Variants in KCNB2 observed in about 807,000 individuals in gnomAD.
The protein encoded by KCNB2 is delayed rectifier potassium channel protein.
In KCNB2, 15 loss-of-function variants were observed where a neutral mutation model predicts 61.5. The ratio of observed to expected loss-of-function variants is 0.24; its 90% CI spans 0.16 to 0.38. The LOEUF is 0.38. KCNB2 is among the 10% of genes least tolerant of loss of function. The pLI is 1.00. For missense variants in KCNB2, 828 were observed against 1,125.2 expected, an observed-to-expected ratio of 0.74 and a Z score of 3.78; for synonymous variants, 457 against 446.0, an observed-to-expected ratio of 1.02 and a Z score of -0.31.
chr8:72,737,982 C>T (rs1807878656), intron 2 of KCNB2, among the ~76,000 whole-genome samples: 1 of 152,118 alleles, frequency 6.6e-6, no homozygotes, highest in Admixed American at 6.6e-5. Flanking sequence ...AGCCTTGCAC[C>T]ATGCATGTAT....
At chr8:72,715,522 C>T (rs1301856783) in intron 2 of KCNB2, among the ~76,000 whole-genome samples, 1 of 152,150 alleles carries the variant, frequency 6.6e-6, no homozygotes, top group Non-Finnish European at 1.5e-5. Flanking sequence ...CAAAACCGCT[C>T]AACTACATGG....
chr8:72,575,132 T>G (rs1220732198), intron 2 of KCNB2, among the ~76,000 whole-genome samples: 1 of 152,192 alleles, frequency 6.6e-6, no homozygotes, highest in Admixed American at 6.5e-5. Context: ...GTAGTGGAAC[T>G]TCAATCTGAA....
At chr8:72,623,101 C>T (rs1356601150) in intron 2 of KCNB2, among the ~76,000 whole-genome samples, 1 of 152,158 alleles carries the variant, frequency 6.6e-6, no homozygotes, top group Non-Finnish European at 1.5e-5. Context: ...GTTAATTATA[C>T]TGCCATTTCA....
At chr8:72,761,625 A>G (rs780149677) in intron 2 of KCNB2, among the ~76,000 whole-genome samples, 4 of 152,236 alleles carry the variant, frequency 2.6e-5, no homozygotes, top group Admixed American at 6.5e-5. Flanking sequence ...CAATATGTCA[A>G]TTGGAATATG....
chr8:72,772,976 T>A (rs758299147), intron 2 of KCNB2, among the ~76,000 whole-genome samples: 2 of 152,180 alleles, frequency 1.3e-5, no homozygotes, highest in African/African-American at 2.4e-5. Flanking sequence ...TAGTCATTAA[T>A]GCTTAAAATG....
At chr8:72,538,396 T>G (rs1286024369) in intron 1 of KCNB2, among the ~76,000 whole-genome samples, 2 of 152,288 alleles carry the variant, frequency 1.3e-5, no homozygotes, top group South Asian at 4.2e-4. Context: ...GCTAGGGGAC[T>G]TGGGAATACG....
chr8:72,925,971 T>C (rs1170878077), intron 2 of KCNB2, among the ~76,000 whole-genome samples: 4 of 152,154 alleles, frequency 2.6e-5, no homozygotes, highest in African/African-American at 9.7e-5. Context: ...TGGGAGCCAT[T>C]ATCCTCAGCA....
intron 2 of KCNB2, among the ~76,000 whole-genome samples, chr8:72,893,626 T>C (rs1000523966): frequency 6.6e-6 from 1 of 152,214 alleles, no homozygotes; most frequent in Non-Finnish European, 1.5e-5. Flanking sequence ...CTCATTACTA[T>C]TATCCCATCT....
Position 72,660,406 on chromosome 8 carries a change from C to A in KCNB2, c.579+92093C>A, listed in dbSNP as rs1234286093. On this transcript the variant is annotated intron_variant, in intron 2 of 2. Coordinates refer to ENST00000523207, the MANE Select transcript of KCNB2 (RefSeq NM_004770.3). ...CATCTGGTTCACGTGGGATGCTGGA[C>A]CTGACTTCCTGTGCCATCACAACCA... is the stretch of plus-strand genomic sequence containing the variant. Among the ~76,000 whole-genome samples, 6 of 152,304 alleles carry A rather than the reference C, an allele frequency of 3.9e-5. No individual in the cohort carries two copies. The East Asian group carries it at 1.2e-3, about 29-fold the overall frequency.
chr8:72,547,663 C>G (rs775332316), intron 1 of KCNB2, among the ~76,000 whole-genome samples: 1 of 152,152 alleles, frequency 6.6e-6, no homozygotes, highest in Non-Finnish European at 1.5e-5. Context: ...CATAATCAAA[C>G]TTGAGCAGAG....
Position 72,937,155 on chromosome 8 carries a change from C to A in KCNB2, c.1800C>A (p.Thr600=), listed in dbSNP as rs1286012384. The A allele has an allele frequency of 6.2e-7, 1 of 1,614,126 alleles. No homozygotes were observed. The highest frequency in any genetic ancestry group is 8.5e-7 in the Non-Finnish European group (1 of 1,180,024). The change falls in exon 3 of 3, where the codon ACC becomes ACA. Residue 600 remains threonine, a synonymous_variant. Coordinates refer to ENST00000523207, the MANE Select transcript of KCNB2 (RefSeq NM_004770.3). ...AGGTCATTGTGGACATGAAGAGCAC[C>A]TCCAGCATCGACAGCTTCACCAGCT... The part of the protein sequence containing the change: ...QTEVIVDMKS[T]SSIDSFTSCA...
In KCNB2 at chr8:72,705,015, T is replaced by C. The variant is rs2255061; in HGVS notation, c.579+136702T>C. The stretch of plus-strand genomic sequence containing the variant: ...CCAAATATTTTTCATCTGTAGCTGG[T>C]TGAATCCTTGGATGCAGAACCCATG... On this transcript the variant is annotated intron_variant, in intron 2 of 2. Transcript: ENST00000523207. Among the ~76,000 whole-genome samples, 1,391 of 152,296 alleles carry C rather than the reference T, an allele frequency of 9.1e-3. 13 individuals carry two copies. Among genetic ancestry groups the C allele is most frequent in the Non-Finnish European group, 0.016 (1,085 of 68,020 alleles).
chr8:72,788,763 G>A (rs1289372931), intron 2 of KCNB2, among the ~76,000 whole-genome samples: 9 of 152,136 alleles, frequency 5.9e-5, no homozygotes, highest in African/African-American at 9.6e-5. Flanking sequence ...CAATAATTAC[G>A]TAATTTCCTT....
At chr8:72,690,630 A>G (rs1219354856) in intron 2 of KCNB2, among the ~76,000 whole-genome samples, 1 of 152,246 alleles carries the variant, frequency 6.6e-6, no homozygotes, top group Non-Finnish European at 1.5e-5. Context: ...GCCCAGTTTC[A>G]GGTTTCCATA....
intron 2 of KCNB2, among the ~76,000 whole-genome samples, chr8:72,773,574 A>T (rs1251105371): frequency 6.6e-6 from 1 of 152,166 alleles, no homozygotes; most frequent in Non-Finnish European, 1.5e-5. Flanking sequence ...TGCTCAGATT[A>T]TTTTTGGTGT....
intron 2 of KCNB2, among the ~76,000 whole-genome samples, chr8:72,714,158 T>C (rs1807378785): frequency 1.3e-5 from 2 of 152,186 alleles, no homozygotes; most frequent in South Asian, 4.1e-4. Context: ...TATGGGACTA[T>C]GTGAAAAGAC....
chr8:72,639,743 C>G (rs570995957), intron 2 of KCNB2, among the ~76,000 whole-genome samples: 57 of 151,978 alleles, frequency 3.8e-4, no homozygotes, highest in Non-Finnish European at 7.2e-4. Context: ...GTGCCAGGCC[C>G]GCCGGAGACC....
At chr8:72,548,654 T>G (rs1349983826) in intron 1 of KCNB2, among the ~76,000 whole-genome samples, 3 of 151,572 alleles carry the variant, frequency 2.0e-5, no homozygotes, top group African/African-American at 4.9e-5. Flanking sequence ...AGTCATTGGG[T>G]TTTTTTTTCT....
intron 2 of KCNB2, among the ~76,000 whole-genome samples, chr8:72,704,340 G>C (rs1338936387): frequency 1.3e-5 from 2 of 152,128 alleles, no homozygotes; most frequent in Non-Finnish European, 2.9e-5. Flanking sequence ...CCAGTTTATA[G>C]ATTAGGAAAG....
Sources: allele counts gnomAD v4.1 joint callset (sites outside exome capture counted in the v4.1 genomes callset), GRCh38; gene constraint gnomAD v4.1.1; transcripts MANE v1.5; gene names NCBI Gene and HGNC (gene_info 2026-07-23, HGNC 2026-07-21).